MAN2A1: variants seen among roughly 807,000 people sequenced by gnomAD.
The protein encoded by MAN2A1 is mannosidase alpha class 2A member 1, also known as alpha-mannosidase 2.
MAN2A1 carries 76 observed loss-of-function variants against 142.6 expected under a neutral mutation model. The observed-to-expected ratio is 0.53, with a 90% CI of 0.44 to 0.65. The LOEUF (loss-of-function observed/expected upper bound fraction) is 0.65. Among genes scored for constraint, MAN2A1 ranks in the 30% least tolerant of loss-of-function variants. The pLI is 0.00. For missense variants in MAN2A1, 1,311 were observed against 1,365.1 expected, an observed-to-expected ratio of 0.96 and a Z score of 0.62; for synonymous variants, 559 against 473.2, an observed-to-expected ratio of 1.18 and a Z score of -2.35.
At chr5:109,731,348 G>A (rs904542019) in intron 4 of MAN2A1, among the ~76,000 whole-genome samples, 4 of 140,898 alleles carry the variant, frequency 2.8e-5, no homozygotes. Context: ...AAATAGGAAA[G>A]CGTGTTTCTT....
intron 20 of MAN2A1, among the ~76,000 whole-genome samples, chr5:109,860,895 C>T (rs1341566593): frequency 6.6e-6 from 1 of 152,118 alleles, no homozygotes; most frequent in Admixed American, 6.6e-5. Context: ...TCAATACTCT[C>T]CTTTTTCAGC....
chr5:109,749,000 T>G (rs1474531962), intron 4 of MAN2A1, among the ~76,000 whole-genome samples: 1 of 151,910 alleles, frequency 6.6e-6, no homozygotes, highest in Non-Finnish European at 1.5e-5. Context: ...CATTGGGAGC[T>G]TCTGTGTTTT....
rs192617248 is a variant in MAN2A1, at chr5:109,854,823, G to T, written c.2977-317G>T. On this transcript the variant is annotated intron_variant, in intron 19 of 21. Coordinates refer to ENST00000261483, the MANE Select transcript of MAN2A1 (RefSeq NM_002372.4). ...CCAATCCTTGTACTTTGAGAGTTTTGTGATAGGTTGAGAATTTTCATAAAA... is the reference window on the plus strand; with the variant it reads ...CCAATCCTTGTACTTTGAGAGTTTTTTGATAGGTTGAGAATTTTCATAAAA... 6.5e-3 allele frequency: 1,281 copies of T among 196,100 alleles called. 8 individuals are homozygous for T. Among genetic ancestry groups the T allele is most frequent in the Non-Finnish European group, 9.3e-3 (922 of 98,646 alleles). 12.1% of individuals were successfully genotyped at this position (196,100 alleles called of 1,614,324 possible). A position where few individuals can be genotyped will look rare whatever the true frequency, so the allele number is the denominator to read the frequency against.
rs1554082232 is a variant in MAN2A1 at position 109,831,804 on chromosome 5, C to CGTGTGTGT, written c.2566+7967_2566+7968insGTGTGTGT. Among the ~76,000 whole-genome samples the CGTGTGTGT allele has an allele frequency of 1.7e-3, 248 of 148,478 alleles. 1 individual carries two copies. Among genetic ancestry groups the CGTGTGTGT allele is most frequent in the South Asian group, 0.013 (62 of 4,748 alleles). On this transcript the variant is annotated intron_variant, in intron 16 of 21. Transcript: ENST00000261483. Reference sequence around the variant, plus strand: ...TTCATTACTTCTCTAAAACAAAAATCATGTGTGTGTGTGTGTGTGTGTGTG... The same window carrying CGTGTGTGT: ...TTCATTACTTCTCTAAAACAAAAATCGTGTGTGTATGTGTGTGTGTGTGTGTGTGTGTG...
chr5:109,741,939 C>G (rs950459623), intron 4 of MAN2A1, among the ~76,000 whole-genome samples: 2 of 152,136 alleles, frequency 1.3e-5, no homozygotes, highest in Admixed American at 6.5e-5. Flanking sequence ...GTTTTCTATG[C>G]TTGTTTTATT....
chr5:109,784,116 G>A (rs2112670807), intron 9 of MAN2A1, among the ~76,000 whole-genome samples: 1 of 152,230 alleles, frequency 6.6e-6, no homozygotes, highest in Non-Finnish European at 1.5e-5. Flanking sequence ...CAAGATGCTA[G>A]GATTACAGGC....
chr5:109,734,721 C>T (rs975775750), intron 4 of MAN2A1, among the ~76,000 whole-genome samples: 55 of 152,280 alleles, frequency 3.6e-4, no homozygotes, highest in African/African-American at 1.3e-3. Flanking sequence ...TTTGATTGCA[C>T]TGTGGTCTGA....
chr5:109,701,686 G>A (rs893968171), intron 1 of MAN2A1, among the ~76,000 whole-genome samples: 1 of 152,192 alleles, frequency 6.6e-6, no homozygotes, highest in African/African-American at 2.4e-5. Context: ...GTAAATCCCT[G>A]TACCAGTATT....
chr5:109,777,087 A>G (rs976032368), intron 8 of MAN2A1, among the ~76,000 whole-genome samples: 6 of 152,218 alleles, frequency 3.9e-5, no homozygotes, highest in African/African-American at 1.4e-4. Flanking sequence ...GTTACTTGTT[A>G]TGAGTTTACA....
chr5:109,868,303 T>C lies in MAN2A1; in HGVS notation c.*1305T>C, dbSNP rs1755931998. ...TCTCAACTTTTGTATGTGCTAACCT[T>C]AAAGTGAAGTTCTGAGCCCGTGTGC... On this transcript the variant is annotated 3_prime_UTR_variant, in exon 22 of 22. Coordinates refer to ENST00000261483, the MANE Select transcript of MAN2A1 (RefSeq NM_002372.4). 2 of 152,210 alleles carry C rather than the reference T, an allele frequency of 1.3e-5. No homozygotes were observed. Among genetic ancestry groups the C allele is most frequent in the Non-Finnish European group, 2.9e-5 (2 of 68,020 alleles). 9.4% of individuals were successfully genotyped at this position (152,210 alleles called of 1,614,324 possible).
At chr5:109,781,182 G>A (rs1194906851) in intron 8 of MAN2A1, among the ~76,000 whole-genome samples, 1 of 151,868 alleles carries the variant, frequency 6.6e-6, no homozygotes, top group African/African-American at 2.4e-5. Flanking sequence ...AAGTGTATAA[G>A]TTTTCCCTTA....
intron 9 of MAN2A1, among the ~76,000 whole-genome samples, chr5:109,783,013 A>G (rs1423462638): frequency 6.6e-6 from 1 of 152,076 alleles, no homozygotes; most frequent in East Asian, 1.9e-4. Flanking sequence ...ATCCATTCTT[A>G]CCCTACAGAA....
chr5:109,807,755 G>A (rs111857143), intron 12 of MAN2A1, among the ~76,000 whole-genome samples: 2,829 of 152,162 alleles, frequency 0.019, 34 homozygotes, highest in Middle Eastern at 0.071. Flanking sequence ...GCATTCATAG[G>A]TTATGGAATT....
rs1050044574 is a variant in MAN2A1 at position 109,821,391 on chromosome 5, A to G, written c.2451+1049A>G. The stretch of plus-strand genomic sequence containing the variant: ...TAATAAGCTTTCTTTGTAGCATTCA[A>G]AAAGAATGCTACAATGCAATTCTGA... On this transcript the variant is annotated intron_variant, in intron 15 of 21. Coordinates refer to ENST00000261483, the MANE Select transcript of MAN2A1 (RefSeq NM_002372.4). 3.3e-5 allele frequency among the ~76,000 whole-genome samples: 5 copies of G among 152,178 alleles called. No individual in the cohort carries two copies. In the East Asian group the frequency reaches 7.7e-4, roughly 23 times the overall value.
At chr5:109,838,805 C>T (rs1029263065) in intron 16 of MAN2A1, among the ~76,000 whole-genome samples, 3 of 152,072 alleles carry the variant, frequency 2.0e-5, no homozygotes, top group African/African-American at 2.4e-5. Context: ...CATAAAGGCT[C>T]CTTTTAAAGA....
chr5:109,820,415 G>A, intron 15 of MAN2A1, 73 bp downstream of exon 15: 2 of 1,387,412 alleles, frequency 1.4e-6, no homozygotes, highest in South Asian at 2.7e-5. Flanking sequence ...AGATAAGTGA[G>A]TGTCATTATT....
intron 12 of MAN2A1, among the ~76,000 whole-genome samples, chr5:109,814,121 G>A (rs1429448804): frequency 6.6e-6 from 1 of 152,138 alleles, no homozygotes; most frequent in Non-Finnish European, 1.5e-5. Context: ...TGCTGATGTG[G>A]TGGAAATTGG....
intron 7 of MAN2A1, among the ~76,000 whole-genome samples, chr5:109,773,375 C>G (rs1039528529): frequency 6.6e-6 from 1 of 151,998 alleles, no homozygotes; most frequent in African/African-American, 2.4e-5. Flanking sequence ...ATAGTAAACC[C>G]TTTTTTATGC....
rs1035425083 is a variant in MAN2A1 at position 109,869,604 on chromosome 5, T to A, written c.*2606T>A. The A allele has an allele frequency of 6.6e-6, 1 of 152,202 alleles. No homozygotes were observed. The highest frequency in any genetic ancestry group is 6.5e-5 in the Admixed American group (1 of 15,284). 9.4% of individuals were successfully genotyped at this position (152,202 alleles called of 1,614,324 possible). On this transcript the variant is annotated 3_prime_UTR_variant, in exon 22 of 22. Transcript: ENST00000261483. ...GGAATATGTAATATAAGATCTCTAA[T>A]AAAAGATAATCTTATCATGTACATG...
Sources: allele counts gnomAD v4.1 joint callset (sites outside exome capture counted in the v4.1 genomes callset), GRCh38; gene constraint gnomAD v4.1.1; transcripts MANE v1.5; gene names NCBI Gene and HGNC (gene_info 2026-07-23, HGNC 2026-07-21).